LRBA: variants seen among roughly 807,000 people sequenced by gnomAD.
LRBA encodes the protein lipopolysaccharide-responsive and beige-like anchor protein.
A neutral mutation model predicts 330.0 loss-of-function variants in LRBA; 176 were observed. The observed-to-expected ratio is 0.53, with a 90% CI of 0.47 to 0.60. The LOEUF (loss-of-function observed/expected upper bound fraction) is 0.60. LRBA is among the 20% of genes least tolerant of loss of function. The probability of loss-of-function intolerance (pLI) is 0.00; values close to 1 mark genes in which losing one functional copy is unlikely to be tolerated. For synonymous variants in LRBA, 1,230 were observed against 1,193.0 expected, an observed-to-expected ratio of 1.03 and a Z score of -0.64; for missense variants, 3,259 against 3,444.8, an observed-to-expected ratio of 0.95 and a Z score of 1.35.
chr4:150,773,581 G>A (rs770272413), intron 34 of LRBA, among the ~76,000 whole-genome samples: 7 of 152,198 alleles, frequency 4.6e-5, no homozygotes, highest in Non-Finnish European at 8.8e-5. Context: ...CCACACCTGT[G>A]TCAAATCCTT....
chr4:150,718,690 T>A (rs913303683), intron 36 of LRBA, among the ~76,000 whole-genome samples: 1 of 152,176 alleles, frequency 6.6e-6, no homozygotes, highest in African/African-American at 2.4e-5. Flanking sequence ...GAAATATTTC[T>A]TGTTTTATTT....
At chr4:150,934,105 A>C (rs1734806977) in intron 2 of LRBA, among the ~76,000 whole-genome samples, 1 of 152,220 alleles carries the variant, frequency 6.6e-6, no homozygotes, top group Non-Finnish European at 1.5e-5. Context: ...AAATGGTATT[A>C]ATACAAACGT....
chr4:150,995,967 A>G (rs1742587784), intron 2 of LRBA, among the ~76,000 whole-genome samples: 1 of 151,910 alleles, frequency 6.6e-6, no homozygotes. Flanking sequence ...TCTTCAGTAG[A>G]GGTCCCAGTG....
chr4:150,514,678 G>A (rs1044323026), intron 40 of LRBA, among the ~76,000 whole-genome samples: 8 of 152,056 alleles, frequency 5.3e-5, no homozygotes, highest in Non-Finnish European at 7.4e-5. Flanking sequence ...AAAGGCATAC[G>A]AGGCAGAAAA....
At chr4:150,981,059 C>A (rs890075272) in intron 2 of LRBA, among the ~76,000 whole-genome samples, 1 of 151,708 alleles carries the variant, frequency 6.6e-6, no homozygotes, top group Admixed American at 6.6e-5. Flanking sequence ...CCAAAGCAAT[C>A]TACAGATTCA....
At chr4:150,559,884 AT>A (rs1244893387) in intron 40 of LRBA, among the ~76,000 whole-genome samples, 2 of 16,034 alleles carry the variant, frequency 1.2e-4, no homozygotes, top group African/African-American at 1.6e-4. Context: ...ATTATATATA[AT>A]TATATATAAT....
intron 36 of LRBA, among the ~76,000 whole-genome samples, chr4:150,728,844 A>T (rs1185802868): frequency 6.6e-6 from 1 of 152,188 alleles, no homozygotes; most frequent in Non-Finnish European, 1.5e-5. Flanking sequence ...TGGAAGCCTT[A>T]GCTAGAGTAA....
At chr4:150,516,215 CTCTTTTTTTT>C (rs1458105385) in intron 40 of LRBA, among the ~76,000 whole-genome samples, 16 of 86,676 alleles carry the variant, frequency 1.8e-4, no homozygotes, top group East Asian at 3.6e-4. Context: ...ATTTTCTATT[CTCTTTTTTTT>C]TTTTTTTTTT....
intron 2 of LRBA, among the ~76,000 whole-genome samples, chr4:151,011,047 C>T (rs999252757): frequency 6.6e-6 from 1 of 151,810 alleles, no homozygotes; most frequent in East Asian, 1.9e-4. Flanking sequence ...ATTAGCTGGG[C>T]GTGGTGGCGG....
At chr4:150,420,350 C>CATTATAGTATAAAGTATATATAATAA (rs1345778449) in intron 46 of LRBA, among the ~76,000 whole-genome samples, 1 of 141,980 alleles carries the variant, frequency 7.0e-6, no homozygotes, top group East Asian at 2.1e-4. Context: ...ATATATAATA[C>CATTATAGTATAAAGTATATATAATAA]ACATTATAGT....
In LRBA at chr4:150,828,426, G is replaced by C. The variant is rs1328112439; in HGVS notation, c.4925C>G (p.Ser1642Cys). ...AGPDAISEVLSTLSLEVNKSP... is the reference protein window; with the variant it reads ...AGPDAISEVLCTLSLEVNKSP... ...CTTATTGACTTCTAAAGAAAGAGTA[G>C]ATAGCACCTCGCTGATTGCATCTGG... The change falls in exon 30 of 57, where the codon TCT (serine) becomes TGT (cysteine). Residue 1642 changes from serine to cysteine, a missense_variant. Transcript: ENST00000651943. The C allele has an allele frequency of 1.2e-6, 2 of 1,614,142 alleles. No homozygotes were observed. The highest frequency in any genetic ancestry group is 2.2e-5 in the East Asian group (1 of 44,878).
chr4:150,463,251 G>A (rs1468692022), intron 44 of LRBA, among the ~76,000 whole-genome samples: 2 of 151,868 alleles, frequency 1.3e-5, no homozygotes, highest in Admixed American at 6.6e-5. Context: ...TAGTTGTAAG[G>A]CGGTAGAATG....
Position 150,432,453 on chromosome 4 carries a change from C to CTTTTTTTT in LRBA, c.7041+3128_7041+3135dup, listed in dbSNP as rs35393002. On this transcript the variant is annotated intron_variant, in intron 46 of 56. Transcript: ENST00000651943. Reference sequence around the variant, plus strand: ...TATATTACAGTAATTTAAGTGTGTTCTTTTTTTTTTTTTTTTTTTTTTTTG... The same window carrying CTTTTTTTT: ...TATATTACAGTAATTTAAGTGTGTTCTTTTTTTTTTTTTTTTTTTTTTTTTTTTTTTTG... 1.9e-3 allele frequency among the ~76,000 whole-genome samples: 190 copies of CTTTTTTTT among 98,400 alleles called. 19 individuals are homozygous for CTTTTTTTT. Among genetic ancestry groups the CTTTTTTTT allele is most frequent in the Non-Finnish European group, 2.4e-3 (130 of 54,772 alleles). 64.6% of individuals were successfully genotyped at this position (98,400 alleles called of 152,430 possible).
At chr4:150,514,287 G>A (rs1376972524) in intron 40 of LRBA, among the ~76,000 whole-genome samples, 2 of 152,138 alleles carry the variant, frequency 1.3e-5, no homozygotes, top group Non-Finnish European at 2.9e-5. Flanking sequence ...GGCCAGGCTG[G>A]TCATGAACTC....
chr4:150,677,648 T>C (rs1008596594), intron 37 of LRBA, among the ~76,000 whole-genome samples: 13 of 151,984 alleles, frequency 8.6e-5, no homozygotes, highest in African/African-American at 2.9e-4. Flanking sequence ...TCTTTGAAAA[T>C]GTAGTTAACC....
At position 150,309,136 on chromosome 4, in the gene LRBA, A is replaced by C. The variant is rs112319807; in HGVS notation, c.7849+1093T>G. ...TTATTATTTTTTACTTGCAGAAGAC[A>C]ATGGAATGGTTTTTATCTCTTATAC... On this transcript the variant is annotated intron_variant, in intron 52 of 56. Coordinates refer to ENST00000651943, the MANE Select transcript of LRBA (RefSeq NM_001364905.1). Among the ~76,000 whole-genome samples the C allele has an allele frequency of 8.2e-3, 1,255 of 152,234 alleles. 15 individuals are homozygous for C. Among genetic ancestry groups the C allele is most frequent in the African/African-American group, 0.029 (1,192 of 41,536 alleles).
chr4:150,981,410 CAAAA>C (rs58638225), intron 2 of LRBA, among the ~76,000 whole-genome samples: 5 of 106,430 alleles, frequency 4.7e-5, no homozygotes, highest in Admixed American at 9.8e-5. Context: ...GAGACTGTCT[CAAAA>C]AAAAAAAAAA....
At chr4:150,371,181 A>ATTTTTTTT (rs1274384749) in intron 47 of LRBA, among the ~76,000 whole-genome samples, 19 of 136,752 alleles carry the variant, frequency 1.4e-4, no homozygotes, top group African/African-American at 5.8e-4. Flanking sequence ...CAAGCTACTA[A>ATTTTTTTT]ATTTTTTTTT....
intron 39 of LRBA, among the ~76,000 whole-genome samples, chr4:150,589,843 G>C (rs1306893933): frequency 6.6e-6 from 1 of 152,108 alleles, no homozygotes; most frequent in Non-Finnish European, 1.5e-5. Context: ...CTACAGAATA[G>C]CAGTATCTAC....
Sources: allele counts gnomAD v4.1 joint callset (sites outside exome capture counted in the v4.1 genomes callset), GRCh38; gene constraint gnomAD v4.1.1; transcripts MANE v1.5; gene names NCBI Gene and HGNC (gene_info 2026-07-23, HGNC 2026-07-21).